Variants in HS3ST4 observed in about 807,000 individuals in gnomAD.
The protein encoded by HS3ST4 is heparan sulfate-glucosamine 3-sulfotransferase 4, also known as heparan sulfate glucosamine 3-O-sulfotransferase 4.
A neutral mutation model predicts 29.2 loss-of-function variants in HS3ST4; 17 were observed. The ratio of observed to expected loss-of-function variants is 0.58; its 90% CI spans 0.40 to 0.87. The LOEUF is 0.87. Among genes scored for constraint, HS3ST4 ranks in the 40% least tolerant of loss-of-function variants. The probability of loss-of-function intolerance (pLI) is 0.00; values close to 1 mark genes in which losing one functional copy is unlikely to be tolerated. For synonymous variants in HS3ST4, 314 were observed against 285.7 expected (o/e 1.10, Z -1.00); for missense variants, 627 against 634.5 (o/e 0.99, Z 0.13).
chr16:25,881,641 G>A (rs997483343), intron 1 of HS3ST4, among the ~76,000 whole-genome samples: 4 of 151,994 alleles, frequency 2.6e-5, no homozygotes, highest in African/African-American at 9.7e-5. Context: ...TATCATCGTG[G>A]GGCTCTTATC....
chr16:25,910,219 A>C (rs1368209019), intron 1 of HS3ST4, among the ~76,000 whole-genome samples: 1 of 152,218 alleles, frequency 6.6e-6, no homozygotes, highest in Non-Finnish European at 1.5e-5. Flanking sequence ...ATTTGGCAGG[A>C]GTTGGCAGCT....
chr16:26,074,693 A>G (rs1898638809), intron 1 of HS3ST4, among the ~76,000 whole-genome samples: 1 of 152,138 alleles, frequency 6.6e-6, no homozygotes, highest in South Asian at 2.1e-4. Flanking sequence ...ATCCATTCAA[A>G]CAAAGCCTTA....
intron 1 of HS3ST4, among the ~76,000 whole-genome samples, chr16:25,850,959 C>A (rs1427869865): frequency 6.6e-6 from 1 of 152,172 alleles, no homozygotes; most frequent in Non-Finnish European, 1.5e-5. Flanking sequence ...TGAGACTCAA[C>A]TTGGACCTTT....
chr16:26,029,286 G>A (rs201501166), intron 1 of HS3ST4, among the ~76,000 whole-genome samples: 3 of 152,212 alleles, frequency 2.0e-5, no homozygotes, highest in Non-Finnish European at 4.4e-5. Context: ...CACATGGCCT[G>A]AACAGCCACA....
chr16:25,692,438 TCCTCCGCCTCCG>T lies in HS3ST4; in HGVS notation c.33_44del (p.Pro13_Pro16del), dbSNP rs746860037. 122 of 1,198,202 alleles carry T rather than the reference TCCTCCGCCTCCG, an allele frequency of 1.0e-4. 2 individuals carry two copies. In the South Asian group the frequency reaches 2.6e-3, roughly 26 times the overall value. 74.2% of individuals were successfully genotyped at this position (1,198,202 alleles called of 1,614,324 possible). A position where few individuals can be genotyped will look rare whatever the true frequency, so the allele number is the denominator to read the frequency against. On this transcript the variant is annotated inframe_deletion, in exon 1 of 2. Transcript: ENST00000331351. ...CCGCGATGGCCCGGTGGCCCGCACC[TCCTCCGCCTCCG>T]CCTCCGCCTCCACCTCTGGCCGCGC... is the stretch of plus-strand genomic sequence containing the variant.
At chr16:25,900,957 A>G (rs915354686) in intron 1 of HS3ST4, among the ~76,000 whole-genome samples, 1 of 152,178 alleles carries the variant, frequency 6.6e-6, no homozygotes, top group East Asian at 1.9e-4. Flanking sequence ...AGAAGCCGCC[A>G]TGATACTCTG....
chr16:26,112,885 C>T (rs1423493541), intron 1 of HS3ST4, among the ~76,000 whole-genome samples: 1 of 144,040 alleles, frequency 6.9e-6, no homozygotes, highest in Non-Finnish European at 1.5e-5. Context: ...TAACTTGCTA[C>T]AAGCATTTTG....
intron 1 of HS3ST4, among the ~76,000 whole-genome samples, chr16:25,952,656 G>A (rs1008451719): frequency 1.3e-5 from 2 of 152,300 alleles, no homozygotes; most frequent in East Asian, 3.9e-4. Flanking sequence ...ATTATTAGTA[G>A]TATTGTTATT....
At chr16:25,923,527 T>C (rs1315099722) in intron 1 of HS3ST4, among the ~76,000 whole-genome samples, 1 of 152,172 alleles carries the variant, frequency 6.6e-6, no homozygotes. Flanking sequence ...GTGACTAAAT[T>C]AGCTTTTTTT....
intron 1 of HS3ST4, among the ~76,000 whole-genome samples, chr16:25,814,718 G>C (rs117683586): frequency 0.012 from 1,823 of 152,326 alleles, 18 homozygotes; most frequent in South Asian, 0.017. Context: ...GTCAATGGGA[G>C]AGTGAGAATG....
chr16:25,857,603 C>T (rs186790504), intron 1 of HS3ST4, among the ~76,000 whole-genome samples: 9 of 152,242 alleles, frequency 5.9e-5, no homozygotes, highest in South Asian at 2.1e-4. Flanking sequence ...AGAACTGAGA[C>T]GCTTTCTAGC....
At chr16:26,021,631 A>G (rs1459314687) in intron 1 of HS3ST4, among the ~76,000 whole-genome samples, 1 of 151,750 alleles carries the variant, frequency 6.6e-6, no homozygotes, top group Non-Finnish European at 1.5e-5. Context: ...TACAAACACA[A>G]CCTCTAAGCA....
At chr16:26,033,017 T>A (rs1231188961) in intron 1 of HS3ST4, among the ~76,000 whole-genome samples, 1 of 152,048 alleles carries the variant, frequency 6.6e-6, no homozygotes, top group African/African-American at 2.4e-5. Flanking sequence ...TTTACATCCA[T>A]GGGAGGGTAT....
chr16:25,928,369 A>T (rs1344833845), intron 1 of HS3ST4, among the ~76,000 whole-genome samples: 1 of 142,300 alleles, frequency 7.0e-6, no homozygotes, highest in Non-Finnish European at 1.5e-5. Context: ...CATCTCTATT[A>T]AAAAATAAAA....
chr16:25,701,876 G>A (rs1440329856), intron 1 of HS3ST4, among the ~76,000 whole-genome samples: 6 of 152,228 alleles, frequency 3.9e-5, no homozygotes, highest in Admixed American at 3.3e-4. Context: ...CTTGGGGAAT[G>A]TAATAATGTG....
intron 1 of HS3ST4, among the ~76,000 whole-genome samples, chr16:26,117,270 C>T (rs1370685725): frequency 2.0e-5 from 3 of 152,182 alleles, no homozygotes; most frequent in Non-Finnish European, 4.4e-5. Flanking sequence ...AGCCCCACAA[C>T]CATAAATGAA....
chr16:25,938,524 T>G (rs919445664), intron 1 of HS3ST4, among the ~76,000 whole-genome samples: 9 of 151,958 alleles, frequency 5.9e-5, no homozygotes, highest in African/African-American at 2.2e-4. Context: ...GCTGCTGTGA[T>G]AGGGAGCTGG....
At chr16:26,002,941 A>T (rs562844378) in intron 1 of HS3ST4, among the ~76,000 whole-genome samples, 369 of 138,972 alleles carry the variant, frequency 2.7e-3, no homozygotes, top group Admixed American at 4.7e-3. Flanking sequence ...GCATTCTTAC[A>T]TTTTTTTTTT....
chr16:26,117,409 C>T (rs1899215118), intron 1 of HS3ST4, among the ~76,000 whole-genome samples: 1 of 152,220 alleles, frequency 6.6e-6, no homozygotes, highest in African/African-American at 2.4e-5. Context: ...TTATCCCTGA[C>T]TTGTAACTTG....
Sources: allele counts gnomAD v4.1 joint callset (sites outside exome capture counted in the v4.1 genomes callset), GRCh38; gene constraint gnomAD v4.1.1; transcripts MANE v1.5; gene names NCBI Gene and HGNC (gene_info 2026-07-23, HGNC 2026-07-21).